Variants in MGAT5 observed in about 807,000 individuals in gnomAD.
The protein encoded by MGAT5 is alpha-1,6-mannosylglycoprotein 6-beta-N-acetylglucosaminyltransferase A.
MGAT5 carries 30 observed loss-of-function variants against 94.3 expected under a neutral mutation model. The ratio of observed to expected loss-of-function variants is 0.32; its 90% CI spans 0.24 to 0.43. The LOEUF (loss-of-function observed/expected upper bound fraction) is 0.43, where lower values mean the gene tolerates loss of function less well. Among genes scored for constraint, MGAT5 ranks in the 20% least tolerant of loss-of-function variants. MGAT5 has a pLI of 1.00. For synonymous variants in MGAT5, 310 were observed against 322.9 expected (o/e 0.96, Z 0.43); for missense variants, 691 against 905.5 (o/e 0.76, Z 3.04).
intron 8 of MGAT5, among the ~76,000 whole-genome samples, chr2:134,348,414 G>C (rs1689046519): frequency 6.6e-6 from 1 of 152,194 alleles, no homozygotes; most frequent in Non-Finnish European, 1.5e-5. Context: ...GTGGTGGCCT[G>C]CCTGCCTTTC....
intron 10 of MGAT5, among the ~76,000 whole-genome samples, chr2:134,385,323 TAGC>T (rs1398681709): frequency 6.6e-6 from 1 of 152,178 alleles, no homozygotes; most frequent in Non-Finnish European, 1.5e-5. Context: ...TAAACAGCAA[TAGC>T]AGCAAAACCT....
intron 1 of MGAT5, among the ~76,000 whole-genome samples, chr2:134,151,827 A>G (rs1211139548): frequency 1.8e-5 from 2 of 112,684 alleles, no homozygotes; most frequent in African/African-American, 7.4e-5. Flanking sequence ...CTGCCATGGG[A>G]CCTCACTCAC....
chr2:134,403,160 G>A, intron 11 of MGAT5, 23 bp downstream of exon 11: 1 of 1,592,180 alleles, frequency 6.3e-7, no homozygotes, highest in Non-Finnish European at 8.5e-7. Flanking sequence ...CACGGATGTG[G>A]TGTTCAGGTT....
intron 2 of MGAT5, among the ~76,000 whole-genome samples, chr2:134,272,214 G>A (rs1052187884): frequency 7.9e-5 from 12 of 152,156 alleles, no homozygotes; most frequent in African/African-American, 2.4e-4. Context: ...ACTTTCAAAC[G>A]AAGTCTGGAA....
intron 10 of MGAT5, among the ~76,000 whole-genome samples, chr2:134,394,539 A>T (rs1682597591): frequency 1.3e-5 from 2 of 152,216 alleles, no homozygotes; most frequent in South Asian, 4.1e-4. Flanking sequence ...TATAGATAGA[A>T]TTCTCCCCCC....
At chr2:134,411,951 G>A (rs1683690711) in intron 11 of MGAT5, among the ~76,000 whole-genome samples, 1 of 152,188 alleles carries the variant, frequency 6.6e-6, no homozygotes, top group South Asian at 2.1e-4. Context: ...TGGGTAGAGA[G>A]GACACAGCTT....
chr2:134,255,799 C>T (rs1174104618), intron 1 of MGAT5, among the ~76,000 whole-genome samples: 2 of 151,996 alleles, frequency 1.3e-5, no homozygotes, highest in Non-Finnish European at 2.9e-5. Flanking sequence ...TGAAGTATGC[C>T]GATTTCAAAT....
At chr2:134,349,983 G>T in intron 9 of MGAT5, 45 bp downstream of exon 9, 2 of 1,606,018 alleles carry the variant, frequency 1.2e-6, no homozygotes, top group Non-Finnish European at 8.5e-7. Context: ...TGCCACCAAA[G>T]ATAGATGGGA....
In MGAT5 at chr2:134,422,809, T is replaced by A; in HGVS notation, c.1684T>A (p.Ser562Thr). Residue 562 changes from serine (S) to threonine (T), a missense_variant, in exon 13 of 16, where the codon TCC becomes ACC. This residue lies in a region of MGAT5 where 260 missense variants were observed against 347.0 expected (regional missense o/e 0.75). Transcript: ENST00000281923. ...GTGTTCGGTTCTTTTCCAGCTGACA[T>A]CCCAGCATCCTTACGCTGAAGTTTT... The part of the protein sequence containing the change: ...IGKPTLRELT[S>T]QHPYAEVFIG... 1 of 1,613,572 alleles carries A rather than the reference T, an allele frequency of 6.2e-7. No individual in the cohort carries two copies. Among genetic ancestry groups the A allele is most frequent in the Non-Finnish European group, 8.5e-7 (1 of 1,179,580 alleles).
intron 2 of MGAT5, among the ~76,000 whole-genome samples, chr2:134,316,984 A>G (rs1002036110): frequency 5.3e-5 from 8 of 152,210 alleles, no homozygotes; most frequent in Admixed American, 5.2e-4. Flanking sequence ...GGTCTGTAAG[A>G]AGCTGTATCC....
intron 1 of MGAT5, among the ~76,000 whole-genome samples, chr2:134,222,936 C>G (rs1257204): frequency 6.6e-6 from 1 of 151,846 alleles, no homozygotes; most frequent in Non-Finnish European, 1.5e-5. Flanking sequence ...GTTAGACTTA[C>G]AGCAATTAGC....
At position 134,162,189 on chromosome 2, in the gene MGAT5, CA is replaced by C. The variant is rs201125481; in HGVS notation, c.-143+41907del. On this transcript the variant is annotated intron_variant, in intron 1 of 16. Coordinates refer to the MGAT5 transcript ENST00000409645. ...TGGGTGACAGAGCAGGACTCCATGTCAAAAAAAAACAAAAACAAAATACACC... is the reference window on the plus strand; with the variant it reads ...TGGGTGACAGAGCAGGACTCCATGTCAAAAAAAACAAAAACAAAATACACC... 2.7e-5 allele frequency among the ~76,000 whole-genome samples: 4 copies of C among 148,674 alleles called. 1 individual carries two copies. Among genetic ancestry groups the C allele is most frequent in the African/African-American group, 9.9e-5 (4 of 40,370 alleles).
At chr2:134,253,559 G>T (rs1463012169), upstream of MGAT5, among the ~76,000 whole-genome samples, 2 of 152,190 alleles carry the variant, frequency 1.3e-5, no homozygotes, top group Non-Finnish European at 2.9e-5. Context: ...TGCCTGCCAG[G>T]TGTTCCACAT....
At chr2:134,127,508 G>A (rs977256455) in intron 1 of MGAT5, among the ~76,000 whole-genome samples, 1 of 101,466 alleles carries the variant, frequency 9.9e-6, no homozygotes, top group Non-Finnish European at 2.0e-5. Flanking sequence ...CCCCCCCCCA[G>A]GCTTGTTCCA....
chr2:134,269,454 T>C (rs1683897738), intron 1 of MGAT5, among the ~76,000 whole-genome samples: 1 of 152,214 alleles, frequency 6.6e-6, no homozygotes, highest in Admixed American at 6.5e-5. Flanking sequence ...CCACTCCCAA[T>C]TCAGAAATGG....
intron 1 of MGAT5, among the ~76,000 whole-genome samples, chr2:134,256,196 G>A (rs1050104353): frequency 6.6e-6 from 1 of 152,180 alleles, no homozygotes; most frequent in African/African-American, 2.4e-5. Context: ...AAGTAACTAG[G>A]TAGTTTTTCC....
intron 13 of MGAT5, among the ~76,000 whole-genome samples, chr2:134,424,367 A>G (rs1418338894): frequency 1.3e-5 from 2 of 152,138 alleles, no homozygotes; most frequent in Non-Finnish European, 2.9e-5. Flanking sequence ...TCTGTGCTCT[A>G]CCCGCTTCAA....
chr2:134,370,563 A>T (rs985689114), intron 10 of MGAT5, among the ~76,000 whole-genome samples: 1 of 152,246 alleles, frequency 6.6e-6, no homozygotes, highest in Non-Finnish European at 1.5e-5. Context: ...TCTTTTCATG[A>T]TCCCTTGGAG....
At chr2:134,249,508 ATG>A (rs1327832373), upstream of MGAT5, among the ~76,000 whole-genome samples, 1 of 152,142 alleles carries the variant, frequency 6.6e-6, no homozygotes, top group Admixed American at 6.5e-5. Context: ...ATCATGCAAT[ATG>A]TGTTTTTTTG....
Sources: gnomAD v4.1 joint callset for allele counts (sites outside exome capture counted in the v4.1 genomes callset) on GRCh38, gnomAD v4.1.1 for gene constraint, gnomAD v4.1.1 regional missense constraint, MANE v1.5 for transcripts, NCBI Gene and HGNC (gene_info 2026-07-23, HGNC 2026-07-21) for gene names.